RSPH14: variants seen among roughly 807,000 people sequenced by gnomAD.
The protein encoded by RSPH14 is rhabdoid tumor deletion region gene 1.
A neutral mutation model predicts 26.7 loss-of-function variants in RSPH14; 20 were observed. That is an observed-to-expected ratio of 0.75 (90% confidence interval 0.53 to 1.09). RSPH14 has a LOEUF of 1.09. RSPH14 is among the 50% of genes least tolerant of loss of function. RSPH14 has a pLI of 0.00. For synonymous variants in RSPH14, 177 were observed against 189.3 expected, an observed-to-expected ratio of 0.93 and a Z score of 0.53; for missense variants, 449 against 457.2, an observed-to-expected ratio of 0.98 and a Z score of 0.16.
intron 4 of RSPH14, among the ~76,000 whole-genome samples, chr22:23,090,987 C>A (rs924973376): frequency 6.6e-6 from 1 of 152,196 alleles, no homozygotes; most frequent in African/African-American, 2.4e-5. Flanking sequence ...CCTTCTGCCC[C>A]AGTCGCCTCA....
chr22:23,132,766 G>C (rs1440030407), intron 4 of RSPH14: 1 of 152,152 alleles, frequency 6.6e-6, no homozygotes. Flanking sequence ...AGGCTGGAGT[G>C]CAGTGGTTAT....
Position 23,059,717 on chromosome 22 carries a change from C to T in RSPH14, c.792G>A (p.Gly264=). The T allele has an allele frequency of 3.3e-6, 5 of 1,517,606 alleles. No homozygotes were observed. 94.0% of individuals were successfully genotyped at this position (1,517,606 alleles called of 1,614,324 possible). A position where few individuals can be genotyped will look rare whatever the true frequency, so the allele number is the denominator to read the frequency against. ...ALMFATVITE[G]KYAALEAQAI... is the part of the protein sequence containing the mutation. The stretch of plus-strand genomic sequence containing the variant: ...CTTGTGCCTCCAGGGCCGCATACTT[C>T]CCTGCAGGCCACCAACACAAGGCGT... The change falls in exon 7 of 7, where the codon GGG becomes GGA. Residue 264 remains glycine (G), a splice_region_variant and synonymous_variant. Coordinates refer to ENST00000216036, the MANE Select transcript of RSPH14 (RefSeq NM_014433.3).
chr22:23,169,714 G>A, the RSPH14 span, among the ~76,000 whole-genome samples: 1 of 152,096 alleles, frequency 6.6e-6, no homozygotes, highest in Non-Finnish European at 1.5e-5. Flanking sequence ...CTGGCCCCCT[G>A]GTGAGGGCTG....
chr22:23,174,264 C>G, the RSPH14 span, among the ~76,000 whole-genome samples: 1 of 151,602 alleles, frequency 6.6e-6, no homozygotes, highest in African/African-American at 2.4e-5. Flanking sequence ...CTAGGCTGGG[C>G]ACTGTGGCTC....
chr22:23,160,166 G>A, the RSPH14 span, among the ~76,000 whole-genome samples: 1 of 152,172 alleles, frequency 6.6e-6, no homozygotes, highest in African/African-American at 2.4e-5. Flanking sequence ...CTGAGGGTTG[G>A]CGTCACAAGT....
At chr22:23,159,323 C>T in the RSPH14 span, 1 of 1,401,052 alleles carries the variant, frequency 7.1e-7, no homozygotes, top group Non-Finnish European at 9.7e-7. Context: ...TGGGGCCTGC[C>T]ATGCAGTGTT....
intron 4 of RSPH14, 59 bp from the exon 5 acceptor site, chr22:23,064,192 A>G (rs576466828): frequency 2.6e-6 from 4 of 1,534,610 alleles, no homozygotes; most frequent in Non-Finnish European, 3.6e-6. Flanking sequence ...CACCCATGCC[A>G]GTTGGCCTGC....
intron 3 of RSPH14, among the ~76,000 whole-genome samples, chr22:23,135,498 G>GTAAATAAGTAAA (rs1569195962): frequency 2.7e-5 from 4 of 147,000 alleles, no homozygotes; most frequent in African/African-American, 9.9e-5. Flanking sequence ...TCTCAAATAA[G>GTAAATAAGTAAA]TAAATAAATA....
At chr22:23,063,074 C>G (rs2068126865) in intron 5 of RSPH14, among the ~76,000 whole-genome samples, 1 of 152,084 alleles carries the variant, frequency 6.6e-6, no homozygotes, top group African/African-American at 2.4e-5. Context: ...GTTACAGTTT[C>G]AGAGAGAGAG....
At chr22:23,151,214 G>C in the RSPH14 span, among the ~76,000 whole-genome samples, 8 of 152,338 alleles carry the variant, frequency 5.3e-5, no homozygotes, top group East Asian at 1.5e-3. Context: ...GGTGGGATGA[G>C]AGTAATGGCA....
chr22:23,134,225 G>A, intron 3 of RSPH14, 81 bp from the exon 4 acceptor site: 1 of 1,066,682 alleles, frequency 9.4e-7, no homozygotes, highest in Admixed American at 2.0e-5. Context: ...GGTCCCTGCT[G>A]GAGTCTGATC....
At chr22:23,079,998 G>T (rs1027929902) in intron 4 of RSPH14, among the ~76,000 whole-genome samples, 1 of 152,164 alleles carries the variant, frequency 6.6e-6, no homozygotes, top group Non-Finnish European at 1.5e-5. Flanking sequence ...CCACTCAAGT[G>T]AGGGTTTGAT....
chr22:23,157,274 T>C, the RSPH14 span, among the ~76,000 whole-genome samples: 5 of 151,482 alleles, frequency 3.3e-5, no homozygotes, highest in African/African-American at 9.7e-5. Context: ...TTTTTGAGCC[T>C]GAGTCTCGCT....
chr22:23,166,147 T>TAAAA, the RSPH14 span, among the ~76,000 whole-genome samples: 93 of 59,878 alleles, frequency 1.6e-3, 2 homozygotes, highest in African/African-American at 5.8e-3. Context: ...CTCTGTCTTT[T>TAAAA]AAAAAAAAAA....
the RSPH14 span, chr22:23,180,586 G>A: frequency 2.6e-3 from 97 of 36,672 alleles, no homozygotes; most frequent in African/African-American, 0.033. Flanking sequence ...CGGCGGCGGC[G>A]GCGGCACGGC....
chr22:23,166,147 T>TAAAAAAAAAAAAA, the RSPH14 span, among the ~76,000 whole-genome samples: 5 of 59,886 alleles, frequency 8.3e-5, no homozygotes, highest in African/African-American at 3.6e-4. Context: ...CTCTGTCTTT[T>TAAAAAAAAAAAAA]AAAAAAAAAA....
rs545964245 is a variant in RSPH14 at position 23,079,031 on chromosome 22, A to G, written c.422-14898T>C. On this transcript the variant is annotated intron_variant, in intron 4 of 6. Coordinates refer to ENST00000216036, the MANE Select transcript of RSPH14 (RefSeq NM_014433.3). ...TTGACCGATTCCTCACTCAGTCACT[A>G]CGAGGGCCTGGGATTGATTTATTGG... Among the ~76,000 whole-genome samples, 81 of 152,302 alleles carry G rather than the reference A, an allele frequency of 5.3e-4. 1 individual carries two copies. The South Asian group carries it at 0.014, about 27-fold the overall frequency.
intron 4 of RSPH14, among the ~76,000 whole-genome samples, chr22:23,090,040 C>T (rs905473482): frequency 4.6e-5 from 7 of 152,128 alleles, no homozygotes; most frequent in Admixed American, 3.9e-4. Flanking sequence ...ATTTGCCACA[C>T]CCTTCACGCT....
intron 4 of RSPH14, among the ~76,000 whole-genome samples, chr22:23,073,484 T>C (rs974429968): frequency 7.9e-5 from 12 of 152,210 alleles, no homozygotes; most frequent in African/African-American, 2.7e-4. Context: ...AGTCAGGTCC[T>C]GGTCCCACCA....
Sources: allele counts gnomAD v4.1 joint callset (sites outside exome capture counted in the v4.1 genomes callset), GRCh38; gene constraint gnomAD v4.1.1; transcripts MANE v1.5; gene names NCBI Gene and HGNC (gene_info 2026-07-23, HGNC 2026-07-21).